Variants in OSTM1 observed in about 807,000 individuals in gnomAD.
OSTM1 encodes osteoclastogenesis associated transmembrane protein 1.
OSTM1 carries 26 observed loss-of-function variants against 35.4 expected under a neutral mutation model. The observed-to-expected ratio is 0.73, with a 90% confidence interval of 0.54 to 1.02. The LOEUF is 1.02. Ranked by LOEUF, OSTM1 falls within the 50% of genes least tolerant of loss-of-function variation. The pLI is 0.00. For missense variants in OSTM1, 366 were observed against 409.6 expected (o/e 0.89, Z 0.92); for synonymous variants, 181 against 165.0 (o/e 1.10, Z -0.75).
At chr6:108,047,881 T>C (rs1298767257) in intron 5 of OSTM1, among the ~76,000 whole-genome samples, 1 of 152,218 alleles carries the variant, frequency 6.6e-6, no homozygotes, top group African/African-American at 2.4e-5. Context: ...TAAAGTTAAA[T>C]AGATTAGCAA....
chr6:108,071,307 T>C (rs73506232), intron 1 of OSTM1, among the ~76,000 whole-genome samples: 5,821 of 151,936 alleles, frequency 0.038, 373 homozygotes, highest in African/African-American at 0.13. Flanking sequence ...TGTTTTGTTT[T>C]GTTTTGGTTT....
chr6:108,059,381 A>G lies in OSTM1; in HGVS notation c.518-4794T>C, dbSNP rs529265850. ...TCTTTTGACCTTCCATCAATTTCCA[A>G]TAACCAGATTCCTACCAAGACTAAT... On this transcript the variant is annotated intron_variant, in intron 2 of 5. Coordinates refer to ENST00000193322, the MANE Select transcript of OSTM1 (RefSeq NM_014028.4). 3.9e-5 allele frequency among the ~76,000 whole-genome samples: 6 copies of G among 152,282 alleles called. No homozygotes were observed. In the East Asian group the frequency reaches 1.2e-3, roughly 29 times the overall value.
chr6:108,048,156 A>T (rs921823342), intron 5 of OSTM1, among the ~76,000 whole-genome samples: 2 of 152,118 alleles, frequency 1.3e-5, no homozygotes, highest in African/African-American at 4.8e-5. Flanking sequence ...ACCTTTTTTT[A>T]AAAAAATTAG....
intron 2 of OSTM1, among the ~76,000 whole-genome samples, chr6:108,060,329 T>G (rs1230043087): frequency 6.6e-6 from 1 of 152,252 alleles, no homozygotes; most frequent in African/African-American, 2.4e-5. Flanking sequence ...TAAAGCATTT[T>G]ATACCTGCCA....
chr6:108,044,313 T>C lies in OSTM1; in HGVS notation c.*472A>G, dbSNP rs1050008614. ...TTATATATTATTGTGATGTACAACA[T>C]ATTAACTATATATATAACAATAATA... is the stretch of plus-strand genomic sequence containing the variant. On this transcript the variant is annotated 3_prime_UTR_variant, in exon 6 of 6. Coordinates refer to ENST00000193322, the MANE Select transcript of OSTM1 (RefSeq NM_014028.4). The C allele has an allele frequency of 6.5e-6, 1 of 153,368 alleles. No individual in the cohort carries two copies. The highest frequency in any genetic ancestry group is 2.4e-5 in the African/African-American group (1 of 41,464). The allele number at this position is 153,368 out of a possible 1,614,324, so 9.5% of individuals were successfully genotyped here. A position where few individuals can be genotyped will look rare whatever the true frequency, so the allele number is the denominator to read the frequency against.
At chr6:108,055,044 T>G (rs566797688) in intron 2 of OSTM1, among the ~76,000 whole-genome samples, 3 of 152,202 alleles carry the variant, frequency 2.0e-5, no homozygotes, top group Non-Finnish European at 4.4e-5. Context: ...GGGGTAACTT[T>G]TAAAATTCGC....
chr6:108,054,504 C>A lies in OSTM1; in HGVS notation c.601G>T (p.Glu201Ter). 6.7e-7 allele frequency: 1 copy of A among 1,485,558 alleles called. No homozygotes were observed. Among genetic ancestry groups the A allele is most frequent in the South Asian group, 1.2e-5 (1 of 86,382 alleles). 92.0% of individuals were successfully genotyped at this position (1,485,558 alleles called of 1,614,324 possible). A position where few individuals can be genotyped will look rare whatever the true frequency, so the allele number is the denominator to read the frequency against. ...NLFNHTLTCFEHNLQGNAHSL... is the reference protein window; with the variant it reads ...NLFNHTLTCF ...ATATAAAATACCTGAAGGTTATGTT[C>A]AAAGCAGGTCAGGGTGTGATTAAAT... The change falls in exon 3 of 6, where the codon GAA (glutamate) becomes TAA (stop). Residue 201 changes from glutamate to a stop codon, truncating the protein, a stop_gained. Transcript: ENST00000193322. LOFTEE classifies it high-confidence loss of function.
chr6:108,047,115 T>A (rs568099398), intron 5 of OSTM1, among the ~76,000 whole-genome samples: 1 of 152,314 alleles, frequency 6.6e-6, no homozygotes, highest in African/African-American at 2.4e-5. Context: ...ATTATTTAAT[T>A]TAAATTAGTT....
chr6:108,049,477 A>T (rs928067052), intron 4 of OSTM1, 59 bp from the exon 5 acceptor site: 7 of 1,594,366 alleles, frequency 4.4e-6, no homozygotes, highest in Admixed American at 1.7e-5. Context: ...TCAATTTCTT[A>T]TAATTATTTT....
intron 3 of OSTM1, among the ~76,000 whole-genome samples, chr6:108,054,255 A>C (rs1365755040): frequency 6.6e-6 from 1 of 152,232 alleles, no homozygotes; most frequent in East Asian, 1.9e-4. Flanking sequence ...TTCTCATTAC[A>C]AAATACTTTA....
intron 5 of OSTM1, among the ~76,000 whole-genome samples, chr6:108,046,859 T>A (rs1282763730): frequency 1.4e-5 from 2 of 145,572 alleles, no homozygotes; most frequent in African/African-American, 5.1e-5. Flanking sequence ...AGAAGTGATC[T>A]AGCTTCTGAC....
At chr6:108,050,670 C>G (rs1772061191) in intron 4 of OSTM1, among the ~76,000 whole-genome samples, 1 of 152,010 alleles carries the variant, frequency 6.6e-6, no homozygotes, top group South Asian at 2.1e-4. Flanking sequence ...TCAGAAACTT[C>G]TTAAATTAGC....
chr6:108,061,968 T>G (rs1002686122), intron 2 of OSTM1, among the ~76,000 whole-genome samples: 2 of 152,138 alleles, frequency 1.3e-5, no homozygotes, highest in Non-Finnish European at 2.9e-5. Flanking sequence ...AGACTCCCAA[T>G]GGATGCTTGA....
At chr6:108,062,448 C>T (rs974688864) in intron 2 of OSTM1, among the ~76,000 whole-genome samples, 2 of 151,626 alleles carry the variant, frequency 1.3e-5, no homozygotes, top group Non-Finnish European at 1.5e-5. Flanking sequence ...CAGTTGACTG[C>T]AGTAACTGAA....
rs1771931016 is a variant in OSTM1 at position 108,044,462 on chromosome 6, A to C, written c.*323T>G. 5.4e-6 allele frequency: 1 copy of C among 186,362 alleles called. No homozygotes were observed. The highest frequency in any genetic ancestry group is 1.6e-4 in the South Asian group (1 of 6,078). The allele number at this position is 186,362 out of a possible 1,614,324, so 11.5% of individuals were successfully genotyped here. On this transcript the variant is annotated 3_prime_UTR_variant, in exon 6 of 6. Transcript: ENST00000193322. ...CTTTTCTACTTGAGATATTTATGTT[A>C]GTAAGAAGATACCAGAAGTCTAGAA...
chr6:108,057,816 TATC>T (rs1300389838), intron 2 of OSTM1, among the ~76,000 whole-genome samples: 1 of 152,154 alleles, frequency 6.6e-6, no homozygotes, highest in African/African-American at 2.4e-5. Context: ...ATTCCTTTTT[TATC>T]TTTTTGCAGG....
At chr6:108,049,712 A>G (rs1320946781) in intron 4 of OSTM1, 5 of 344,816 alleles carry the variant, frequency 1.5e-5, no homozygotes, top group African/African-American at 1.1e-4. Flanking sequence ...ACTTATATGA[A>G]GAGGAATATA....
intron 1 of OSTM1, among the ~76,000 whole-genome samples, chr6:108,067,221 T>C (rs1772395855): frequency 6.6e-6 from 1 of 152,186 alleles, no homozygotes; most frequent in African/African-American, 2.4e-5. Flanking sequence ...TCTAGCCTCC[T>C]GGATAACAGA....
Position 108,054,475 on chromosome 6 carries a change from T to C in OSTM1, c.615+15A>G, listed in dbSNP as rs1391229380. ...CAAGGCAGCATTTTAATTTTAAATA[T>C]TATATATAAAATACCTGAAGGTTAT... On this transcript the variant is annotated intron_variant, in intron 3 of 5. Coordinates refer to ENST00000193322, the MANE Select transcript of OSTM1 (RefSeq NM_014028.4). 8.4e-7 allele frequency: 1 copy of C among 1,194,830 alleles called. No individual in the cohort carries two copies. Among genetic ancestry groups the C allele is most frequent in the Non-Finnish European group, 1.2e-6 (1 of 814,384 alleles). The allele number at this position is 1,194,830 out of a possible 1,614,324, so 74.0% of individuals were successfully genotyped here.
Sources: gnomAD v4.1 joint callset for allele counts (sites outside exome capture counted in the v4.1 genomes callset) on GRCh38, gnomAD v4.1.1 for gene constraint, MANE v1.5 for transcripts, NCBI Gene and HGNC (gene_info 2026-07-23, HGNC 2026-07-21) for gene names.